The following BCAS2 variants were observed in gnomAD, a reference collection of about 807,000 sequenced individuals.
BCAS2 encodes the protein pre-mRNA-splicing factor SPF27.
A neutral mutation model predicts 35.3 loss-of-function variants in BCAS2; 34 were observed. The observed-to-expected ratio is 0.96, with a 90% CI of 0.73 to 1.28. The LOEUF is 1.28. Among genes scored for constraint, BCAS2 ranks in the 50% most tolerant of loss-of-function variants. The pLI, the probability that BCAS2 is intolerant of heterozygous loss-of-function variation, is 0.00. For missense variants in BCAS2, 221 were observed against 268.1 expected, an observed-to-expected ratio of 0.82 and a Z score of 1.23; for synonymous variants, 75 against 91.6, an observed-to-expected ratio of 0.82 and a Z score of 1.03.
chr1:114,579,561 G>A (rs887721445), intron 2 of BCAS2, among the ~76,000 whole-genome samples: 8 of 152,094 alleles, frequency 5.3e-5, no homozygotes, highest in Non-Finnish European at 1.0e-4. Context: ...AGGAACATAC[G>A]TCTTCTACTT....
chr1:114,577,222 C>T (rs550085127), intron 2 of BCAS2, among the ~76,000 whole-genome samples: 1 of 148,278 alleles, frequency 6.7e-6, no homozygotes, highest in East Asian at 2.5e-4. Flanking sequence ...GTTTGTCTTT[C>T]TCTTGTGTGC....
chr1:114,572,514 G>A (rs774749556), intron 4 of BCAS2, among the ~76,000 whole-genome samples: 1 of 152,210 alleles, frequency 6.6e-6, no homozygotes, highest in Non-Finnish European at 1.5e-5. Flanking sequence ...AATATGCTTA[G>A]GGGAATGTGA....
At chr1:114,568,286 T>C in intron 6 of BCAS2, 30 bp from the exon 7 acceptor site, 1 of 1,604,220 alleles carries the variant, frequency 6.2e-7, no homozygotes, top group South Asian at 1.1e-5. Context: ...AAGAAAAAAA[T>C]TACTCAATGT....
intron 3 of BCAS2, 128 bp from the exon 4 acceptor site, chr1:114,575,879 G>T: frequency 1.0e-6 from 1 of 992,414 alleles, no homozygotes; most frequent in Non-Finnish European, 1.4e-6. Context: ...TGTAAACCTT[G>T]CAATAATAAG....
In BCAS2 at chr1:114,575,736, G is replaced by A. The variant is rs776305291; in HGVS notation, c.273C>T (p.Ala91=). ...LLSMKRYELP[A]PSSGQKNDIT... is the part of the protein sequence containing the mutation. Reference sequence around the variant, plus strand: ...TGTCATTTTTTTGACCAGAGGAGGGGGCTGGAAGCTCATATCTGAAATTAA... The same window carrying A: ...TGTCATTTTTTTGACCAGAGGAGGGAGCTGGAAGCTCATATCTGAAATTAA... The change falls in exon 4 of 7, where the codon GCC becomes GCT. Residue 91 remains alanine (A), a synonymous_variant. Coordinates refer to ENST00000369541, the MANE Select transcript of BCAS2 (RefSeq NM_005872.3). 3 of 1,611,296 alleles carry A rather than the reference G, an allele frequency of 1.9e-6. No homozygotes were observed. Among genetic ancestry groups the A allele is most frequent in the Non-Finnish European group, 1.7e-6 (2 of 1,179,316 alleles).
chr1:114,580,657 A>G (rs1015328023), intron 2 of BCAS2, among the ~76,000 whole-genome samples: 2 of 152,206 alleles, frequency 1.3e-5, no homozygotes, highest in African/African-American at 4.8e-5. Flanking sequence ...AATAAAGAAA[A>G]GAAAAATTAA....
At chr1:114,580,945 G>A (rs534964720) in intron 2 of BCAS2, among the ~76,000 whole-genome samples, 19 of 152,298 alleles carry the variant, frequency 1.2e-4, no homozygotes, top group African/African-American at 4.3e-4. Flanking sequence ...GTTCTAAAGA[G>A]CTTAGGTAAT....
rs529537184 is a variant in BCAS2, at chr1:114,568,308, T to C, written c.552-52A>G. The stretch of plus-strand genomic sequence containing the variant: ...AAATTACTCAATGTAAAACTTCTCT[T>C]AGAAGATTTTATTTTAAATGTATAC... On this transcript the variant is annotated intron_variant, in intron 6 of 6. Transcript: ENST00000369541. 9 of 1,563,944 alleles carry C rather than the reference T, an allele frequency of 5.8e-6. No individual in the cohort carries two copies. In the East Asian group the frequency reaches 2.0e-4, roughly 35 times the overall value.
In BCAS2 at chr1:114,575,555, C is replaced by CA. The variant is rs756481934; in HGVS notation, c.419+34dup. On this transcript the variant is annotated intron_variant, in intron 4 of 6. Transcript: ENST00000369541. The stretch of plus-strand genomic sequence containing the variant: ...TGAGATGGAAAGAAAAGAGAAAAAA[C>CA]AAAAAAAACAGAAGATGAAGAAAAA... 207 of 1,553,516 alleles carry CA rather than the reference C, an allele frequency of 1.3e-4. 1 individual carries two copies. Among genetic ancestry groups the CA allele is most frequent in the Admixed American group, 2.8e-4 (13 of 46,762 alleles).
intron 6 of BCAS2, among the ~76,000 whole-genome samples, chr1:114,568,567 A>G (rs1654574189): frequency 6.6e-6 from 1 of 151,806 alleles, no homozygotes; most frequent in Non-Finnish European, 1.5e-5. Context: ...GGGTTTCACC[A>G]CGTTGGCCAG....
At position 114,567,849 on chromosome 1, in the gene BCAS2, G is replaced by T; in HGVS notation, c.*281C>A. The T allele has an allele frequency of 3.9e-6, 1 of 258,556 alleles. No homozygotes were observed. The highest frequency in any genetic ancestry group is 7.3e-6 in the Non-Finnish European group (1 of 137,644). 16.0% of individuals were successfully genotyped at this position (258,556 alleles called of 1,614,324 possible). On this transcript the variant is annotated 3_prime_UTR_variant, in exon 7 of 7. Transcript: ENST00000369541. The stretch of plus-strand genomic sequence containing the variant: ...CTTGGATACAAAATATGGTCCACAT[G>T]GCTGAAAATTAATTCTATGACACAA...
Position 114,570,084 on chromosome 1 carries a change from T to A in BCAS2, c.471-12A>T, listed in dbSNP as rs1270257120. 6.4e-7 allele frequency: 1 copy of A among 1,573,812 alleles called. No homozygotes were observed. Among genetic ancestry groups the A allele is most frequent in the African/African-American group, 1.4e-5 (1 of 74,022 alleles). On this transcript the variant is annotated splice_polypyrimidine_tract_variant and intron_variant, in intron 5 of 6. Coordinates refer to ENST00000369541, the MANE Select transcript of BCAS2 (RefSeq NM_005872.3). The stretch of plus-strand genomic sequence containing the variant: ...CTTGAATATGTTTTCTGTAAAAAAT[T>A]ATTTATACAACCCAATTACATTTTA...
chr1:114,581,549 C>G lies in BCAS2; in HGVS notation c.43G>C (p.Ala15Pro). The G allele has an allele frequency of 1.2e-6, 2 of 1,613,864 alleles. No individual in the cohort carries two copies. Among genetic ancestry groups the G allele is most frequent in the Non-Finnish European group, 1.7e-6 (2 of 1,180,038 alleles). Residue 15 changes from alanine to proline, a missense_variant, in exon 1 of 7, where the codon GCG becomes CCG. Ala to Pro is a conservative substitution (Grantham distance 27). Coordinates refer to ENST00000369541, the MANE Select transcript of BCAS2 (RefSeq NM_005872.3). ...GLVAGEVVVD[A>P]LPYFDQGYEA... The stretch of plus-strand genomic sequence containing the variant: ...TAACCTTGATCAAAATACGGCAGCG[C>G]ATCCACCACAACCTCTCCAGCCACC...
At chr1:114,570,611 T>G (rs1271783731) in intron 5 of BCAS2, 89 bp downstream of exon 5, 6 of 889,046 alleles carry the variant, frequency 6.7e-6, no homozygotes, top group Non-Finnish European at 1.1e-5. Context: ...TTCATCTGGC[T>G]GCAGTCTCTT....
chr1:114,568,240 T>C lies in BCAS2; in HGVS notation c.568A>G (p.Ser190Gly). 4.3e-6 allele frequency: 7 copies of C among 1,613,642 alleles called. No homozygotes were observed. Among genetic ancestry groups the C allele is most frequent in the Non-Finnish European group, 5.9e-6 (7 of 1,179,766 alleles). Reference sequence around the variant, plus strand: ...GTCCGTTCAATCTCATAATTCTTACTGACCAGGGATACCCAACTAGAATGG... The same window carrying C: ...GTCCGTTCAATCTCATAATTCTTACCGACCAGGGATACCCAACTAGAATGG... The part of the protein sequence containing the change: ...EMESNWVSLV[S>G]KNYEIERTIV... The change falls in exon 7 of 7, where the codon AGT becomes GGT. Residue 190 changes from serine to glycine, a missense_variant. Coordinates refer to ENST00000369541, the MANE Select transcript of BCAS2 (RefSeq NM_005872.3).
At chr1:114,571,037 T>C (rs1213129295) in intron 4 of BCAS2, among the ~76,000 whole-genome samples, 1 of 151,612 alleles carries the variant, frequency 6.6e-6, no homozygotes, top group Non-Finnish European at 1.5e-5. Flanking sequence ...TACCATGCCC[T>C]GCCTGATCTT....
intron 2 of BCAS2, among the ~76,000 whole-genome samples, chr1:114,578,861 G>A (rs945718050): frequency 6.6e-6 from 1 of 152,182 alleles, no homozygotes; most frequent in African/African-American, 2.4e-5. Context: ...TAGTCAATTA[G>A]CCTCTCTAAG....
chr1:114,579,183 G>A (rs1654831611), intron 2 of BCAS2, among the ~76,000 whole-genome samples: 1 of 152,212 alleles, frequency 6.6e-6, no homozygotes. Context: ...GGCTGAGGCA[G>A]AAGAATGGCT....
chr1:114,568,755 CTTTTTTTTTTTT>C (rs67319421), intron 6 of BCAS2, among the ~76,000 whole-genome samples: 1,980 of 83,292 alleles, frequency 0.024, 73 homozygotes, highest in African/African-American at 0.084. Flanking sequence ...TCTCTGTATT[CTTTTTTTTTTTT>C]TTTTTTTTTT....
Sources: allele counts gnomAD v4.1 joint callset (sites outside exome capture counted in the v4.1 genomes callset), GRCh38; gene constraint gnomAD v4.1.1; transcripts MANE v1.5; gene names NCBI Gene and HGNC (gene_info 2026-07-23, HGNC 2026-07-21).